PPP2R2B: variants seen among roughly 807,000 people sequenced by gnomAD.
The protein encoded by PPP2R2B is serine/threonine-protein phosphatase 2A 55 kDa regulatory subunit B beta isoform.
PPP2R2B carries 5 observed loss-of-function variants against 46.0 expected under a neutral mutation model. The observed-to-expected ratio is 0.11, with a 90% CI of 0.06 to 0.23. PPP2R2B has a LOEUF of 0.23. Among genes scored for constraint, PPP2R2B ranks in the 10% least tolerant of loss-of-function variants. The pLI, the probability that PPP2R2B is intolerant of heterozygous loss-of-function variation, is 1.00. For missense variants in PPP2R2B, 367 were observed against 575.0 expected (o/e 0.64, Z 3.70); for synonymous variants, 215 against 206.7 (o/e 1.04, Z -0.34).
At chr5:146,792,993 G>T (rs900815713) in intron 2 of PPP2R2B, among the ~76,000 whole-genome samples, 4 of 152,262 alleles carry the variant, frequency 2.6e-5, no homozygotes, top group Admixed American at 1.3e-4. Context: ...AGAGATTTGG[G>T]GGTCAGTGGT....
intron 2 of PPP2R2B, among the ~76,000 whole-genome samples, chr5:146,858,126 T>C (rs1760785028): frequency 6.6e-6 from 1 of 152,240 alleles, no homozygotes; most frequent in Admixed American, 6.5e-5. Context: ...AGCATTGTTA[T>C]CTTTATTTTA....
intron 2 of PPP2R2B, among the ~76,000 whole-genome samples, chr5:146,820,743 G>A (rs1472001803): frequency 2.6e-5 from 4 of 151,996 alleles, no homozygotes; most frequent in Admixed American, 6.6e-5. Flanking sequence ...ATTGACCTCC[G>A]TCTCCTCCCC....
chr5:146,781,176 A>ATATATATATATATATATATAT (rs58453914), intron 2 of PPP2R2B, among the ~76,000 whole-genome samples: 1 of 121,418 alleles, frequency 8.2e-6, no homozygotes, highest in Non-Finnish European at 1.7e-5. Context: ...ATATATATAT[A>ATATATATATATATATATATAT]AAATTATTCT....
At chr5:146,829,358 G>C (rs1252549750) in intron 2 of PPP2R2B, among the ~76,000 whole-genome samples, 5 of 152,146 alleles carry the variant, frequency 3.3e-5, no homozygotes, top group Non-Finnish European at 7.3e-5. Context: ...AAGAAATGTG[G>C]GTTATATGCT....
intron 2 of PPP2R2B, among the ~76,000 whole-genome samples, chr5:146,875,520 A>G (rs1469092502): frequency 6.6e-6 from 1 of 152,198 alleles, no homozygotes; most frequent in East Asian, 1.9e-4. Context: ...AGAGTCCTTC[A>G]CACTAACTAC....
intron 2 of PPP2R2B, among the ~76,000 whole-genome samples, chr5:146,745,321 C>G (rs1753123782): frequency 1.3e-5 from 2 of 152,144 alleles, no homozygotes; most frequent in African/African-American, 4.8e-5. Context: ...GCTCTCAACT[C>G]TAAAATGTGG....
chr5:146,591,651 A>T (rs1243386136), intron 9 of PPP2R2B, among the ~76,000 whole-genome samples: 1 of 151,288 alleles, frequency 6.6e-6, no homozygotes, highest in Non-Finnish European at 1.5e-5. Context: ...ACTTATTTTT[A>T]AACAAGTAAG....
intron 5 of PPP2R2B, among the ~76,000 whole-genome samples, chr5:146,671,941 T>A (rs1297219671): frequency 6.6e-6 from 1 of 152,058 alleles, no homozygotes; most frequent in Admixed American, 6.6e-5. Context: ...GACTAAGAAT[T>A]AAGTTAAACG....
intron 8 of PPP2R2B, among the ~76,000 whole-genome samples, chr5:146,596,727 T>A (rs1348231364): frequency 6.6e-6 from 1 of 152,162 alleles, no homozygotes; most frequent in Non-Finnish European, 1.5e-5. Context: ...AATGAAAGCT[T>A]GGGGGCAAGT....
intron 1 of PPP2R2B, among the ~76,000 whole-genome samples, chr5:146,909,128 G>T (rs953678371): frequency 6.6e-6 from 1 of 152,146 alleles, no homozygotes; most frequent in African/African-American, 2.4e-5. Flanking sequence ...CAGGGTGAGT[G>T]ACCTTGACTG....
intron 1 of PPP2R2B, among the ~76,000 whole-genome samples, chr5:147,012,193 G>A (rs1434174820): frequency 1.3e-5 from 2 of 151,976 alleles, no homozygotes; most frequent in Non-Finnish European, 2.9e-5. Context: ...ATTCAGCTGT[G>A]AATTCATCTG....
chr5:147,053,603 CCAGA>C (rs948649817), intron 1 of PPP2R2B, among the ~76,000 whole-genome samples: 4 of 150,446 alleles, frequency 2.7e-5, no homozygotes, highest in Admixed American at 1.3e-4. Flanking sequence ...ACTTTTTTCC[CCAGA>C]CAAACTTTAA....
rs547989709 is a variant in PPP2R2B, at chr5:146,583,779, C to A, written c.*6168G>T. The A allele has an allele frequency of 6.6e-6, 1 of 152,222 alleles. No individual in the cohort carries two copies. The highest frequency in any genetic ancestry group is 1.5e-5 in the Non-Finnish European group (1 of 68,050). The allele number at this position is 152,222 out of a possible 1,614,324, so 9.4% of individuals were successfully genotyped here. ...CAAAATGTTGCTTTTCCTTTTACCACTGAGGAAAGCCCCTGTTCCCTTCTA... is the reference window on the plus strand; with the variant it reads ...CAAAATGTTGCTTTTCCTTTTACCAATGAGGAAAGCCCCTGTTCCCTTCTA... On this transcript the variant is annotated 3_prime_UTR_variant, in exon 10 of 10. Transcript: ENST00000394411.
intron 1 of PPP2R2B, among the ~76,000 whole-genome samples, chr5:147,024,036 T>G (rs1755409877): frequency 6.6e-6 from 1 of 152,200 alleles, no homozygotes; most frequent in Admixed American, 6.5e-5. Context: ...TCTTGGCCTT[T>G]GGGCCCAGAC....
At chr5:146,699,660 G>GTTTT (rs1779417647) in intron 3 of PPP2R2B, among the ~76,000 whole-genome samples, 1 of 101,758 alleles carries the variant, frequency 9.8e-6, no homozygotes, top group African/African-American at 4.0e-5. Flanking sequence ...GAACTTAATT[G>GTTTT]GTTTTTTTTT....
intron 2 of PPP2R2B, among the ~76,000 whole-genome samples, chr5:146,721,435 C>T (rs1780790465): frequency 6.6e-6 from 1 of 152,174 alleles, no homozygotes. Context: ...AAAACCCACA[C>T]AGAAGAATCT....
intron 1 of PPP2R2B, among the ~76,000 whole-genome samples, chr5:146,984,328 A>G (rs1179600632): frequency 6.6e-6 from 1 of 152,196 alleles, no homozygotes; most frequent in African/African-American, 2.4e-5. Context: ...TCCACATGTA[A>G]GTGAGAACAT....
exon 1 of PPP2R2B, chr5:147,055,774 A>T: frequency 6.3e-7 from 1 of 1,578,062 alleles, no homozygotes; most frequent in Non-Finnish European, 8.6e-7. Flanking sequence ...ATCTAAATAA[A>T]AAAACAGTCT....
intron 7 of PPP2R2B, among the ~76,000 whole-genome samples, chr5:146,622,817 A>G (rs1006035687): frequency 1.3e-5 from 2 of 152,248 alleles, no homozygotes; most frequent in African/African-American, 4.8e-5. Flanking sequence ...ATATTGTGAC[A>G]TTATCTTTAA....
Sources: allele counts gnomAD v4.1 joint callset (sites outside exome capture counted in the v4.1 genomes callset), GRCh38; gene constraint gnomAD v4.1.1; transcripts MANE v1.5; gene names NCBI Gene and HGNC (gene_info 2026-07-23, HGNC 2026-07-21).